The following TBC1D9 variants were observed in gnomAD, a reference collection of about 807,000 sequenced individuals.
The protein encoded by TBC1D9 is TBC1 domain family member 9A.
Under a neutral mutation model 132.0 loss-of-function variants are expected in TBC1D9, and 63 were observed. That is an observed-to-expected ratio of 0.48 (90% CI 0.39 to 0.59). TBC1D9 has a LOEUF of 0.59. TBC1D9 is among the 20% of genes least tolerant of loss of function. The pLI is 0.00. For synonymous variants in TBC1D9, 610 were observed against 609.9 expected, an observed-to-expected ratio of 1.00 and a Z score of 0.00; for missense variants, 1,261 against 1,592.7, an observed-to-expected ratio of 0.79 and a Z score of 3.54.
chr4:140,679,964 A>G (rs1302839609), intron 3 of TBC1D9, 121 bp from the exon 4 acceptor site: 17 of 713,664 alleles, frequency 2.4e-5, no homozygotes, highest in Non-Finnish European at 3.8e-5. Context: ...ATGCCCTTCA[A>G]TGGCAACCCC....
At chr4:140,743,981 T>C (rs1198282657) in intron 1 of TBC1D9, among the ~76,000 whole-genome samples, 1 of 152,182 alleles carries the variant, frequency 6.6e-6, no homozygotes, top group East Asian at 1.9e-4. Context: ...AGTTGTTAAA[T>C]GTCATGTCAA....
intron 1 of TBC1D9, among the ~76,000 whole-genome samples, chr4:140,726,283 C>T (rs568388165): frequency 3.3e-5 from 5 of 151,438 alleles, no homozygotes; most frequent in East Asian, 1.9e-4. Flanking sequence ...AATGAGACTC[C>T]GCCTCAGAAA....
At chr4:140,642,019 A>G in intron 13 of TBC1D9, 3 of 645,538 alleles carry the variant, frequency 4.6e-6, no homozygotes, top group South Asian at 1.8e-5. Context: ...CTCTCGAAGC[A>G]GCAAACAAAA....
At chr4:140,740,635 T>C (rs1487961102) in intron 1 of TBC1D9, among the ~76,000 whole-genome samples, 1 of 152,216 alleles carries the variant, frequency 6.6e-6, no homozygotes, top group Non-Finnish European at 1.5e-5. Flanking sequence ...TGCCTTCCCC[T>C]GCTTTAAGGA....
At chr4:140,640,688 T>C (rs1231225980) in intron 13 of TBC1D9, among the ~76,000 whole-genome samples, 4 of 152,184 alleles carry the variant, frequency 2.6e-5, no homozygotes, top group Non-Finnish European at 5.9e-5. Flanking sequence ...TCCTTTCGCA[T>C]ATTTAAAGGA....
intron 1 of TBC1D9, among the ~76,000 whole-genome samples, chr4:140,735,626 A>C (rs1276526765): frequency 1.3e-5 from 2 of 152,154 alleles, no homozygotes; most frequent in Non-Finnish European, 2.9e-5. Context: ...CAGGAGAATC[A>C]CTTGAGCCCA....
intron 2 of TBC1D9, among the ~76,000 whole-genome samples, chr4:140,694,629 TAAA>T (rs1337511282): frequency 6.7e-6 from 1 of 150,022 alleles, no homozygotes; most frequent in East Asian, 1.9e-4. Flanking sequence ...TTTATTGACA[TAAA>T]AATTATTTTC....
intron 6 of TBC1D9, among the ~76,000 whole-genome samples, chr4:140,672,049 A>AG (rs1737546393): frequency 6.6e-6 from 1 of 152,138 alleles, no homozygotes; most frequent in Non-Finnish European, 1.5e-5. Flanking sequence ...CTCAAGACTA[A>AG]GTAACCTATT....
chr4:140,659,700 C>A lies in TBC1D9; in HGVS notation c.1809G>T (p.Met603Ile). Residue 603 changes from methionine to isoleucine, a missense_variant, in exon 11 of 21, where the codon ATG (methionine) becomes ATT (isoleucine). By Grantham distance (10) the Met-to-Ile change is conservative. Around this residue, in one of 3 missense-constraint regions of TBC1D9, gnomAD observed 93 missense variants for 169.2 expected, o/e 0.55. Transcript: ENST00000442267. The part of the protein sequence containing the change: ...RNPNIGYCQA[M>I]NIVTSVLLLY... ...GCAGCAGCACTGAAGTGACAATATT[C>A]ATGGCCTAAAAAAGTGAAAGAGGAT... The A allele has an allele frequency of 6.3e-7, 1 of 1,597,724 alleles. No individual in the cohort carries two copies. Among genetic ancestry groups the A allele is most frequent in the Non-Finnish European group, 8.5e-7 (1 of 1,171,496 alleles).
At chr4:140,746,696 T>C (rs1013532778) in intron 1 of TBC1D9, among the ~76,000 whole-genome samples, 1 of 152,136 alleles carries the variant, frequency 6.6e-6, no homozygotes, top group Admixed American at 6.5e-5. Context: ...GGTTTCCCCA[T>C]ATAAAGCCAT....
intron 1 of TBC1D9, among the ~76,000 whole-genome samples, chr4:140,719,615 A>C (rs1738392428): frequency 9.9e-5 from 15 of 152,196 alleles, no homozygotes. Flanking sequence ...TGAAATAGAC[A>C]CTGAGCACCT....
intron 2 of TBC1D9, among the ~76,000 whole-genome samples, chr4:140,694,618 T>C (rs567236513): frequency 6.6e-6 from 1 of 150,424 alleles, no homozygotes; most frequent in African/African-American, 2.4e-5. Context: ...TGGAAATACA[T>C]TTTATTGACA....
chr4:140,705,876 C>G (rs1426258950), intron 1 of TBC1D9, among the ~76,000 whole-genome samples: 1 of 152,178 alleles, frequency 6.6e-6, no homozygotes, highest in African/African-American at 2.4e-5. Context: ...ATAACGAAAT[C>G]AAATTACAGC....
chr4:140,661,659 A>T (rs1436900910), intron 10 of TBC1D9, among the ~76,000 whole-genome samples: 1 of 152,088 alleles, frequency 6.6e-6, no homozygotes, highest in Non-Finnish European at 1.5e-5. Flanking sequence ...ACAACTGGGG[A>T]TTTTCTACCA....
intron 5 of TBC1D9, 140 bp from the exon 6 acceptor site, chr4:140,677,241 A>G: frequency 1.1e-6 from 1 of 939,724 alleles, no homozygotes; most frequent in Non-Finnish European, 1.6e-6. Context: ...CTTTCTTTAT[A>G]TTGAAGTTAA....
chr4:140,677,452 G>T (rs553972689), intron 5 of TBC1D9, among the ~76,000 whole-genome samples: 1 of 151,994 alleles, frequency 6.6e-6, no homozygotes, highest in African/African-American at 2.4e-5. Flanking sequence ...GCCACTTTAG[G>T]GGGGGCCTTA....
chr4:140,658,692 G>C (rs1215555847), intron 11 of TBC1D9, among the ~76,000 whole-genome samples: 2 of 151,810 alleles, frequency 1.3e-5, no homozygotes, highest in Non-Finnish European at 2.9e-5. Context: ...AGTCTGTATA[G>C]TCCCAGCTAC....
intron 2 of TBC1D9, among the ~76,000 whole-genome samples, chr4:140,689,774 G>C (rs1217244594): frequency 8.4e-6 from 1 of 119,298 alleles, no homozygotes; most frequent in Non-Finnish European, 1.7e-5. Context: ...TTGAGACAGA[G>C]TCACGCTCTG....
rs190742377 is a variant in TBC1D9, at chr4:140,738,485, C to T, written c.130+17431G>A. On this transcript the variant is annotated intron_variant, in intron 1 of 20. Coordinates refer to ENST00000442267, the MANE Select transcript of TBC1D9 (RefSeq NM_015130.3). ...TTTACTCCCCTCCTTCTTGCTCTTT[C>T]CCCTTTAAATATTGAAATTCCCAAA... Among the ~76,000 whole-genome samples, 303 of 152,260 alleles carry T rather than the reference C, an allele frequency of 2.0e-3. 2 individuals are homozygous for T. The highest frequency in any genetic ancestry group is 6.7e-3 in the African/African-American group (277 of 41,540).
Sources: allele counts gnomAD v4.1 joint callset (sites outside exome capture counted in the v4.1 genomes callset), GRCh38; gene constraint gnomAD v4.1.1; regional missense constraint gnomAD v4.1.1; transcripts MANE v1.5; gene names NCBI Gene and HGNC (gene_info 2026-07-23, HGNC 2026-07-21).